Variants in AMZ1 observed in about 807,000 individuals in gnomAD.
The protein encoded by AMZ1 is archaemetzincin-1.
Under a neutral mutation model 29.9 loss-of-function variants are expected in AMZ1, and 39 were observed. The ratio of observed to expected loss-of-function variants is 1.30; its 90% CI spans 1.01 to 1.70. The LOEUF (loss-of-function observed/expected upper bound fraction) is 1.70. AMZ1 is among the 40% of genes most tolerant of loss of function. AMZ1 has a pLI of 0.00. For missense variants in AMZ1, 1,041 were observed against 680.6 expected, an observed-to-expected ratio of 1.53 and a Z score of -5.89; for synonymous variants, 458 against 304.0, an observed-to-expected ratio of 1.51 and a Z score of -5.27.
chr7:2,706,459 TTTC>T (rs1172463677), intron 3 of AMZ1, among the ~76,000 whole-genome samples: 2 of 152,220 alleles, frequency 1.3e-5, no homozygotes, highest in Admixed American at 1.3e-4. Context: ...CTTAGGGACA[TTTC>T]TTGTCTCACA....
chr7:2,701,539 T>TC (rs1788053345), intron 2 of AMZ1, among the ~76,000 whole-genome samples: 1 of 152,030 alleles, frequency 6.6e-6, no homozygotes, highest in African/African-American at 2.4e-5. Flanking sequence ...ACAACAGGCA[T>TC]CCGTGCTCAG....
intron 4 of AMZ1, among the ~76,000 whole-genome samples, chr7:2,753,145 A>G (rs905745702): frequency 4.0e-5 from 6 of 149,560 alleles, no homozygotes; most frequent in Non-Finnish European, 8.9e-5. Flanking sequence ...GAAACCATAC[A>G]GCATGCGGCT....
At chr7:2,734,163 A>C (rs899281322) in intron 4 of AMZ1, among the ~76,000 whole-genome samples, 13 of 152,196 alleles carry the variant, frequency 8.5e-5, no homozygotes, top group Non-Finnish European at 1.5e-4. Flanking sequence ...GGCCCTGCGG[A>C]ATCACCCAGG....
chr7:2,690,997 C>T (rs1787351729), intron 1 of AMZ1, among the ~76,000 whole-genome samples: 1 of 151,918 alleles, frequency 6.6e-6, no homozygotes, highest in African/African-American at 2.4e-5. Context: ...CAAAATTAGC[C>T]TGGCATGGTG....
chr7:2,742,575 T>C (rs11767743), intron 4 of AMZ1, among the ~76,000 whole-genome samples: 1 of 152,188 alleles, frequency 6.6e-6, no homozygotes. Context: ...GTGCTCAAAG[T>C]GAAGAAAGCA....
At chr7:2,684,841 G>A (rs1376487172), upstream of AMZ1, among the ~76,000 whole-genome samples, 1 of 151,838 alleles carries the variant, frequency 6.6e-6, no homozygotes, top group Non-Finnish European at 1.5e-5. Flanking sequence ...GACAGAGGAG[G>A]AACTGCCACT....
chr7:2,694,727 C>T (rs1283276359), intron 1 of AMZ1, among the ~76,000 whole-genome samples: 3 of 151,468 alleles, frequency 2.0e-5, no homozygotes, highest in East Asian at 3.9e-4. Context: ...GGCTGGAGTG[C>T]AGTGGCGCGA....
intron 1 of AMZ1, among the ~76,000 whole-genome samples, chr7:2,698,647 G>A (rs1787877618): frequency 6.6e-6 from 1 of 152,052 alleles, no homozygotes; most frequent in Non-Finnish European, 1.5e-5. Flanking sequence ...GACCAGCCTG[G>A]GCAACATAGT....
chr7:2,760,765 C>T (rs1158413594), upstream of AMZ1, among the ~76,000 whole-genome samples: 1 of 152,254 alleles, frequency 6.6e-6, no homozygotes, highest in African/African-American at 2.4e-5. Context: ...CCTCTAGGGA[C>T]AGCGTCGAGC....
chr7:2,702,649 C>T (rs1476127640), intron 2 of AMZ1, 73 bp from the exon 3 acceptor site: 7 of 1,454,340 alleles, frequency 4.8e-6, no homozygotes, highest in Non-Finnish European at 6.4e-6. Context: ...CCGGTGTCTG[C>T]GAGTGATTCC....
intron 3 of AMZ1, among the ~76,000 whole-genome samples, chr7:2,705,775 C>G (rs1788317235): frequency 6.6e-6 from 1 of 152,238 alleles, no homozygotes. Context: ...CAGGCTTCCC[C>G]AGCCCCTGAG....
chr7:2,709,076 AGTGG>A lies in AMZ1; in HGVS notation c.605_608del (p.Val202AlafsTer25), dbSNP rs1259738512. 6.3e-7 allele frequency: 1 copy of A among 1,585,342 alleles called. No homozygotes were observed. The highest frequency in any genetic ancestry group is 2.3e-5 in the East Asian group (1 of 44,254). On this transcript the variant is annotated frameshift_variant and splice_region_variant, in exon 5 of 7. Coordinates refer to ENST00000683327, the MANE Select transcript of AMZ1 (RefSeq NM_001384743.1). LOFTEE classifies it high-confidence loss of function. ...GCCCTTCTCTCCATCTCTCTCCAGA[AGTGG>A]GCGTCTGCAGCTTCGCCCGGTTCTC...
upstream of AMZ1, among the ~76,000 whole-genome samples, chr7:2,685,355 C>T (rs923694284): frequency 1.3e-5 from 2 of 150,636 alleles, no homozygotes; most frequent in Non-Finnish European, 3.0e-5. Flanking sequence ...GTCAGGAGTT[C>T]GAGACCAGCC....
chr7:2,699,041 C>T (rs1787899907), intron 1 of AMZ1, among the ~76,000 whole-genome samples: 1 of 152,176 alleles, frequency 6.6e-6, no homozygotes, highest in Admixed American at 6.5e-5. Context: ...ACGTCCTTAG[C>T]TGCACCTGCC....
chr7:2,737,274 GTT>G (rs1041056812), intron 4 of AMZ1, among the ~76,000 whole-genome samples: 1 of 35,032 alleles, frequency 2.9e-5, no homozygotes. Flanking sequence ...GTTTTGTTTT[GTT>G]TTTTTTTTTT....
intron 4 of AMZ1, among the ~76,000 whole-genome samples, chr7:2,726,674 G>C (rs995895175): frequency 6.6e-6 from 1 of 152,214 alleles, no homozygotes; most frequent in Non-Finnish European, 1.5e-5. Context: ...GCCACACATG[G>C]GCTAATGGTG....
chr7:2,720,128 C>T (rs1186804406), downstream of AMZ1, among the ~76,000 whole-genome samples: 1 of 152,258 alleles, frequency 6.6e-6, no homozygotes, highest in South Asian at 2.1e-4. Flanking sequence ...ACAGGGCTGC[C>T]ACGCACTGCT....
intron 4 of AMZ1, among the ~76,000 whole-genome samples, chr7:2,744,769 GA>G (rs562531755): frequency 1.4e-3 from 214 of 151,820 alleles, no homozygotes; most frequent in African/African-American, 2.1e-3. Context: ...TAAAAACTTT[GA>G]AAAAAAATTA....
chr7:2,734,745 A>C (rs181174022), intron 4 of AMZ1, among the ~76,000 whole-genome samples: 2 of 152,298 alleles, frequency 1.3e-5, no homozygotes, highest in African/African-American at 4.8e-5. Context: ...GGACAGAAAC[A>C]CACGTCTCCC....
Sources: allele counts gnomAD v4.1 joint callset (sites outside exome capture counted in the v4.1 genomes callset), GRCh38; gene constraint gnomAD v4.1.1; transcripts MANE v1.5; gene names NCBI Gene and HGNC (gene_info 2026-07-23, HGNC 2026-07-21).